BTRC: variants seen among roughly 807,000 people sequenced by gnomAD.
BTRC encodes the protein beta-transducin repeat containing E3 ubiquitin protein ligase.
Under a neutral mutation model 85.5 loss-of-function variants are expected in BTRC, and 42 were observed. That is an observed-to-expected ratio of 0.49 (90% confidence interval 0.38 to 0.64). The LOEUF (loss-of-function observed/expected upper bound fraction) is 0.64. Among genes scored for constraint, BTRC ranks in the 30% least tolerant of loss-of-function variants. BTRC has a pLI of 0.00. For synonymous variants in BTRC, 255 were observed against 263.3 expected, an observed-to-expected ratio of 0.97 and a Z score of 0.30; for missense variants, 594 against 743.5, an observed-to-expected ratio of 0.80 and a Z score of 2.34.
chr10:101,455,719 G>A (rs1232534854), intron 2 of BTRC, among the ~76,000 whole-genome samples: 2 of 152,088 alleles, frequency 1.3e-5, no homozygotes, highest in Non-Finnish European at 2.9e-5. Context: ...TCATGTAAAT[G>A]GTACAGAGAC....
At chr10:101,509,777 G>A (rs1946651986) in intron 4 of BTRC, among the ~76,000 whole-genome samples, 1 of 146,866 alleles carries the variant, frequency 6.8e-6, no homozygotes, top group African/African-American at 2.6e-5. Flanking sequence ...GCCAAAGCTG[G>A]TCTCAGACTC....
intron 4 of BTRC, among the ~76,000 whole-genome samples, chr10:101,519,720 G>A (rs2062075523): frequency 6.6e-6 from 1 of 152,222 alleles, no homozygotes; most frequent in Non-Finnish European, 1.5e-5. Context: ...GACCAGCCAG[G>A]TGCAGTGGCT....
chr10:101,520,979 T>G (rs1236765008), intron 4 of BTRC, among the ~76,000 whole-genome samples: 3 of 150,278 alleles, frequency 2.0e-5, no homozygotes, highest in African/African-American at 7.4e-5. Flanking sequence ...AAAAAAAAGT[T>G]GTGATGACGG....
chr10:101,546,606 A>G (rs953925701), intron 13 of BTRC, among the ~76,000 whole-genome samples: 1 of 152,222 alleles, frequency 6.6e-6, no homozygotes, highest in Non-Finnish European at 1.5e-5. Flanking sequence ...TCTAAAATCA[A>G]TAGTCTAAGC....
At chr10:101,539,548 C>T (rs1189155797) in intron 13 of BTRC, among the ~76,000 whole-genome samples, 1 of 152,168 alleles carries the variant, frequency 6.6e-6, no homozygotes, top group Non-Finnish European at 1.5e-5. Context: ...TGAAAATTTG[C>T]TGAGTAGTAT....
At chr10:101,415,011 C>T (rs1315785294) in intron 1 of BTRC, among the ~76,000 whole-genome samples, 3 of 146,700 alleles carry the variant, frequency 2.0e-5, no homozygotes, top group South Asian at 4.3e-4. Flanking sequence ...CCTAAGTGCA[C>T]AGAGTTTATT....
chr10:101,479,448 T>C lies in BTRC; in HGVS notation c.315T>C (p.Cys105=). ...LASTAMKTEN[C]VAKTKLANGT... ...GCACTGCTATGAAGACTGAGAATTGTGTGGCCAAAGTAAGTAATATTGCTC... is the reference window on the plus strand; with the variant it reads ...GCACTGCTATGAAGACTGAGAATTGCGTGGCCAAAGTAAGTAATATTGCTC... Residue 105 remains cysteine, a synonymous_variant, in exon 4 of 15, where the codon TGT becomes TGC. Transcript: ENST00000370187. 3 of 1,612,814 alleles carry C rather than the reference T, an allele frequency of 1.9e-6. No individual in the cohort carries two copies. The highest frequency in any genetic ancestry group is 2.5e-6 in the Non-Finnish European group (3 of 1,179,060).
Position 101,538,284 on chromosome 10 carries a change from G to A in BTRC, c.1578-9G>A. Reference sequence around the variant, plus strand: ...TAACTAACATTTTTGTCCCCTTTTTGATCTTTAGAAAAATTAAAGTGTGGG... The same window carrying A: ...TAACTAACATTTTTGTCCCCTTTTTAATCTTTAGAAAAATTAAAGTGTGGG... On this transcript the variant is annotated splice_polypyrimidine_tract_variant and intron_variant, in intron 12 of 14. Coordinates refer to ENST00000370187, the MANE Select transcript of BTRC (RefSeq NM_033637.4). 1.2e-6 allele frequency: 2 copies of A among 1,612,272 alleles called. No homozygotes were observed. Among genetic ancestry groups the A allele is most frequent in the Non-Finnish European group, 1.7e-6 (2 of 1,178,682 alleles).
intron 2 of BTRC, among the ~76,000 whole-genome samples, chr10:101,444,988 T>G (rs1944783751): frequency 6.6e-6 from 1 of 152,202 alleles, no homozygotes; most frequent in Admixed American, 6.5e-5. Context: ...TGAAAGATAT[T>G]ACACAATGAA....
At chr10:101,509,417 G>T (rs1366990186) in intron 4 of BTRC, among the ~76,000 whole-genome samples, 1 of 148,446 alleles carries the variant, frequency 6.7e-6, no homozygotes, top group African/African-American at 2.5e-5. Context: ...ACTACGCCCG[G>T]CTAATTTTTT....
chr10:101,442,736 G>T (rs189078039), intron 2 of BTRC, among the ~76,000 whole-genome samples: 1 of 152,082 alleles, frequency 6.6e-6, no homozygotes, highest in African/African-American at 2.4e-5. Flanking sequence ...TAGCATCATA[G>T]AAAGGATAAA....
chr10:101,417,019 T>TC (rs397689116), intron 1 of BTRC, among the ~76,000 whole-genome samples: 2 of 151,978 alleles, frequency 1.3e-5, no homozygotes, highest in East Asian at 3.9e-4. Flanking sequence ...TGTTTTTTTT[T>TC]CATAAACCAC....
At chr10:101,440,566 C>CA (rs1377912069) in intron 2 of BTRC, among the ~76,000 whole-genome samples, 2 of 151,764 alleles carry the variant, frequency 1.3e-5, no homozygotes, top group Non-Finnish European at 2.9e-5. Context: ...ACCAAAAATA[C>CA]AAAAAATTAG....
At chr10:101,538,461 A>G in intron 13 of BTRC, 90 bp downstream of exon 13, 2 of 1,225,462 alleles carry the variant, frequency 1.6e-6, no homozygotes, top group Non-Finnish European at 2.4e-6. Flanking sequence ...TTTGAATTTA[A>G]TAGTTACAAC....
At chr10:101,497,093 C>T (rs1407205932) in intron 4 of BTRC, among the ~76,000 whole-genome samples, 1 of 152,024 alleles carries the variant, frequency 6.6e-6, no homozygotes, top group African/African-American at 2.4e-5. Flanking sequence ...GTATATGATG[C>T]GTGGTAGAGG....
chr10:101,546,797 T>C (rs1300230312), intron 13 of BTRC, among the ~76,000 whole-genome samples: 3 of 152,140 alleles, frequency 2.0e-5, no homozygotes, highest in Admixed American at 1.3e-4. Context: ...AGCCAGACTA[T>C]GAAAAACAAA....
chr10:101,360,623 G>C (rs1472432086), intron 1 of BTRC, among the ~76,000 whole-genome samples: 1 of 151,716 alleles, frequency 6.6e-6, no homozygotes, highest in Non-Finnish European at 1.5e-5. Flanking sequence ...CGACCGCCTC[G>C]GCCTCCCAAA....
At chr10:101,413,915 T>C (rs193030855) in intron 1 of BTRC, among the ~76,000 whole-genome samples, 7 of 152,198 alleles carry the variant, frequency 4.6e-5, no homozygotes, top group African/African-American at 1.4e-4. Context: ...ATCTTAAATA[T>C]GGTTATTTTA....
At chr10:101,549,614 T>G (rs2062615549) in intron 13 of BTRC, among the ~76,000 whole-genome samples, 1 of 147,404 alleles carries the variant, frequency 6.8e-6, no homozygotes, top group South Asian at 2.1e-4. Flanking sequence ...CTCGGGAGGC[T>G]GAGGCAGGAG....
Sources: allele counts gnomAD v4.1 joint callset (sites outside exome capture counted in the v4.1 genomes callset), GRCh38; gene constraint gnomAD v4.1.1; transcripts MANE v1.5; gene names NCBI Gene and HGNC (gene_info 2026-07-23, HGNC 2026-07-21).